Variants in MTMR6 observed in about 807,000 individuals in gnomAD.
The protein encoded by MTMR6 is myotubularin related protein 6.
In MTMR6, 47 loss-of-function variants were observed where a neutral mutation model predicts 80.1. The observed-to-expected ratio is 0.59, with a 90% CI of 0.46 to 0.75. The LOEUF is 0.75. Among genes scored for constraint, MTMR6 ranks in the 30% least tolerant of loss-of-function variants. The pLI is 0.00. For missense variants in MTMR6, 629 were observed against 730.9 expected, an observed-to-expected ratio of 0.86 and a Z score of 1.61; for synonymous variants, 254 against 253.0, an observed-to-expected ratio of 1.00 and a Z score of -0.04.
intron 1 of MTMR6, among the ~76,000 whole-genome samples, chr13:25,285,393 C>CCCT (rs1555251762): frequency 1.6e-5 from 2 of 128,506 alleles, no homozygotes; most frequent in Non-Finnish European, 3.3e-5. Flanking sequence ...TTTTCCGCCC[C>CCCT]CCCCCCCCCA....
chr13:25,259,196 T>C (rs1957282005), intron 6 of MTMR6, among the ~76,000 whole-genome samples: 1 of 152,156 alleles, frequency 6.6e-6, no homozygotes, highest in African/African-American at 2.4e-5. Context: ...TGAGAGATTA[T>C]TGGAGGCCCA....
intron 2 of MTMR6, among the ~76,000 whole-genome samples, chr13:25,273,761 G>A (rs564698930): frequency 1.4e-4 from 21 of 152,078 alleles, no homozygotes; most frequent in African/African-American, 4.8e-4. Context: ...TCCTGACCTC[G>A]TGATCCACCC....
chr13:25,284,816 T>C (rs1055897733), intron 1 of MTMR6, among the ~76,000 whole-genome samples: 11 of 152,270 alleles, frequency 7.2e-5, no homozygotes, highest in African/African-American at 2.4e-4. Flanking sequence ...CCACAACAAT[T>C]AACAGAATGT....
At chr13:25,275,712 T>G (rs1957704577) in intron 1 of MTMR6, among the ~76,000 whole-genome samples, 1 of 151,474 alleles carries the variant, frequency 6.6e-6, no homozygotes, top group African/African-American at 2.4e-5. Context: ...ATACAAAAAA[T>G]TAGCTAGGTG....
In MTMR6 at chr13:25,249,093, T is replaced by G; in HGVS notation, c.*139A>C. 3.7e-6 allele frequency: 3 copies of G among 815,048 alleles called. No homozygotes were observed. Among genetic ancestry groups the G allele is most frequent in the Non-Finnish European group, 5.6e-6 (3 of 531,736 alleles). 50.5% of individuals were successfully genotyped at this position (815,048 alleles called of 1,614,324 possible). A position where few individuals can be genotyped will look rare whatever the true frequency, so the allele number is the denominator to read the frequency against. ...CTTATTTCTCTCACAAGGGTAGTTA[T>G]TATCCTTCCTTCAACTATTAGCCTA... is the stretch of plus-strand genomic sequence containing the variant. On this transcript the variant is annotated 3_prime_UTR_variant, in exon 14 of 14. Transcript: ENST00000381801.
Position 25,258,511 on chromosome 13 carries a change from T to G in MTMR6, c.859+49A>C. On this transcript the variant is annotated intron_variant, in intron 7 of 13. Transcript: ENST00000381801. ...AATTCTAAATTACATGTGACTAGCATTAGATTTCTTTTGGACAAGGGTGTC... is the reference window on the plus strand; with the variant it reads ...AATTCTAAATTACATGTGACTAGCAGTAGATTTCTTTTGGACAAGGGTGTC... 3 of 1,495,812 alleles carry G rather than the reference T, an allele frequency of 2.0e-6. No individual in the cohort carries two copies. The African/African-American group carries it at 4.4e-5, about 22-fold the overall frequency. The allele number at this position is 1,495,812 out of a possible 1,614,324, so 92.7% of individuals were successfully genotyped here. A position where few individuals can be genotyped will look rare whatever the true frequency, so the allele number is the denominator to read the frequency against.
Position 25,265,830 on chromosome 13 carries a change from G to C in MTMR6, c.580C>G (p.Gln194Glu). Residue 194 changes from glutamine (Q) to glutamate (E), a missense_variant, in exon 5 of 14, where the codon CAA becomes GAA. Gln to Glu is a conservative substitution (Grantham distance 29). Coordinates refer to ENST00000381801, the MANE Select transcript of MTMR6 (RefSeq NM_004685.5). ...GAAAAGCATCCTACCTCCTTATCTT[G>C]ATGATAGTAGGAAAGAACTGGGAAT... ...GRFPVLSYYH[Q>E]DKEAAICRCS... 1 of 1,613,064 alleles carries C rather than the reference G, an allele frequency of 6.2e-7. No homozygotes were observed. The highest frequency in any genetic ancestry group is 1.3e-5 in the African/African-American group (1 of 74,948).
intron 1 of MTMR6, 118 bp downstream of exon 1, chr13:25,287,106 C>A: frequency 1.4e-6 from 2 of 1,431,528 alleles, no homozygotes; most frequent in Non-Finnish European, 9.5e-7. Context: ...CCGCCCCGGG[C>A]CGGGTCTCCG....
rs59863231 is a variant in MTMR6 at position 25,279,576 on chromosome 13, C to T, written c.25-5389G>A. On this transcript the variant is annotated intron_variant, in intron 1 of 13. Transcript: ENST00000381801. Reference sequence around the variant, plus strand: ...TTGCAAAACTACTGTAGTTAGTAATCTAGTCAAGTAGGTAGAGCCCTGACA... The same window carrying T: ...TTGCAAAACTACTGTAGTTAGTAATTTAGTCAAGTAGGTAGAGCCCTGACA... Among the ~76,000 whole-genome samples, 3 of 152,234 alleles carry T rather than the reference C, an allele frequency of 2.0e-5. 1 individual carries two copies. In the South Asian group the frequency reaches 6.2e-4, roughly 32 times the overall value.
rs571602404 is a variant in MTMR6 at position 25,265,812 on chromosome 13, A to G, written c.591+7T>C. On this transcript the variant is annotated splice_region_variant and intron_variant, in intron 5 of 13. Transcript: ENST00000381801. ...TTATTTCTAAAATCAAAAGAAAAGC[A>G]TCCTACCTCCTTATCTTGATGATAG... The G allele has an allele frequency of 1.2e-6, 2 of 1,606,828 alleles. No individual in the cohort carries two copies.
intron 2 of MTMR6, among the ~76,000 whole-genome samples, chr13:25,271,280 T>C (rs1957570279): frequency 6.6e-6 from 1 of 152,138 alleles, no homozygotes; most frequent in Non-Finnish European, 1.5e-5. Flanking sequence ...TGATAAGCAA[T>C]GGGGCTACTG....
At chr13:25,271,965 G>A (rs893928204) in intron 2 of MTMR6, among the ~76,000 whole-genome samples, 8 of 152,176 alleles carry the variant, frequency 5.3e-5, no homozygotes, top group African/African-American at 1.4e-4. Context: ...ATAAAACAGT[G>A]TGGTACAGTG....
chr13:25,258,109 T>A (rs886564758), intron 7 of MTMR6, among the ~76,000 whole-genome samples: 1 of 152,208 alleles, frequency 6.6e-6, no homozygotes, highest in Non-Finnish European at 1.5e-5. Context: ...TATTTTAATT[T>A]TTTAAATTCT....
chr13:25,259,552 A>G lies in MTMR6; in HGVS notation c.727-860T>C, dbSNP rs144722209. Among the ~76,000 whole-genome samples, 1,087 of 152,308 alleles carry G rather than the reference A, an allele frequency of 7.1e-3. 5 individuals carry two copies. Among genetic ancestry groups the G allele is most frequent in the South Asian group, 0.013 (63 of 4,820 alleles). On this transcript the variant is annotated intron_variant, in intron 6 of 13. Coordinates refer to ENST00000381801, the MANE Select transcript of MTMR6 (RefSeq NM_004685.5). ...CTGACTCACTAGTTATTCGGTACCT[A>G]AAGTAAAATCTACAGTTAGATGTTA...
chr13:25,250,885 T>C (rs977772704), intron 13 of MTMR6, among the ~76,000 whole-genome samples: 6 of 152,240 alleles, frequency 3.9e-5, no homozygotes, highest in African/African-American at 1.4e-4. Context: ...AGATAGTCTT[T>C]GGTATTTTTT....
chr13:25,252,890 A>AG (rs1957120664), intron 11 of MTMR6, among the ~76,000 whole-genome samples: 1 of 152,082 alleles, frequency 6.6e-6, no homozygotes, highest in Admixed American at 6.5e-5. Flanking sequence ...ACATGCTCTC[A>AG]GTTCTGCTGT....
rs141408401 is a variant in MTMR6, at chr13:25,262,312, G to C, written c.592-510C>G. ...GAGTTAAAATACAGTCAATCGAATA[G>C]AGCAAGAATTATCTATAAGTAGTGA... On this transcript the variant is annotated intron_variant, in intron 5 of 13. Transcript: ENST00000381801. 1.7e-3 allele frequency among the ~76,000 whole-genome samples: 262 copies of C among 152,294 alleles called. 1 individual carries two copies. Among genetic ancestry groups the C allele is most frequent in the Non-Finnish European group, 3.0e-3 (201 of 68,030 alleles).
chr13:25,272,209 A>C (rs1046707419), intron 2 of MTMR6, among the ~76,000 whole-genome samples: 4 of 152,226 alleles, frequency 2.6e-5, no homozygotes, highest in Non-Finnish European at 5.9e-5. Context: ...TTAGAAGAAA[A>C]TATAGAAGAA....
At chr13:25,275,222 T>C (rs947608726) in intron 1 of MTMR6, among the ~76,000 whole-genome samples, 3 of 148,222 alleles carry the variant, frequency 2.0e-5, no homozygotes, top group African/African-American at 7.5e-5. Flanking sequence ...AGGGCAGGAG[T>C]TCAAGACCAG....
Sources: allele counts gnomAD v4.1 joint callset (sites outside exome capture counted in the v4.1 genomes callset), GRCh38; gene constraint gnomAD v4.1.1; transcripts MANE v1.5; gene names NCBI Gene and HGNC (gene_info 2026-07-23, HGNC 2026-07-21).